SORCS1: variants seen among roughly 807,000 people sequenced by gnomAD.
SORCS1 encodes the protein sortilin related VPS10 domain containing receptor 1, also known as VPS10 domain-containing receptor SorCS1.
SORCS1 carries 60 observed loss-of-function variants against 146.1 expected under a neutral mutation model. That is an observed-to-expected ratio of 0.41 (90% confidence interval 0.33 to 0.51). The LOEUF is 0.51. Among genes scored for constraint, SORCS1 ranks in the 20% least tolerant of loss-of-function variants. SORCS1 has a pLI of 0.21. For missense variants in SORCS1, 1,352 were observed against 1,487.6 expected, an observed-to-expected ratio of 0.91 and a Z score of 1.50; for synonymous variants, 637 against 584.0, an observed-to-expected ratio of 1.09 and a Z score of -1.31.
intron 2 of SORCS1, among the ~76,000 whole-genome samples, chr10:106,927,066 T>C (rs139386799): frequency 5.8e-4 from 89 of 152,258 alleles, no homozygotes; most frequent in African/African-American, 1.3e-3. Flanking sequence ...AGTGACAGGA[T>C]AGAAAAAACC....
At position 106,796,106 on chromosome 10, in the gene SORCS1, C is replaced by T. The variant is rs1271328945; in HGVS notation, c.727-19414G>A. Among the ~76,000 whole-genome samples, 38 of 152,168 alleles carry T rather than the reference C, an allele frequency of 2.5e-4. 1 individual carries two copies. The highest frequency in any genetic ancestry group is 2.4e-3 in the Admixed American group (37 of 15,280). On this transcript the variant is annotated intron_variant, in intron 3 of 25. Coordinates refer to ENST00000263054, the MANE Select transcript of SORCS1 (RefSeq NM_052918.5). Reference sequence around the variant, plus strand: ...CCATTTCTCACCATTAATTGATCTTCCTGTGGCACTGGATCTTAGCATTTT... The same window carrying T: ...CCATTTCTCACCATTAATTGATCTTTCTGTGGCACTGGATCTTAGCATTTT...
intron 1 of SORCS1, among the ~76,000 whole-genome samples, chr10:106,997,027 T>C (rs2139566708): frequency 6.8e-6 from 1 of 147,648 alleles, no homozygotes; most frequent in South Asian, 2.2e-4. Flanking sequence ...AACATTCTCT[T>C]TAACATCCTT....
At chr10:106,958,519 G>C (rs1955072438) in intron 1 of SORCS1, among the ~76,000 whole-genome samples, 1 of 152,110 alleles carries the variant, frequency 6.6e-6, no homozygotes, top group Admixed American at 6.5e-5. Flanking sequence ...TTCACAGCAA[G>C]CAAACTGGAA....
At chr10:106,962,922 G>C (rs530017246) in intron 1 of SORCS1, among the ~76,000 whole-genome samples, 2 of 152,048 alleles carry the variant, frequency 1.3e-5, no homozygotes, top group Non-Finnish European at 2.9e-5. Flanking sequence ...CATTGTCCAA[G>C]CTCCGATAGC....
chr10:106,803,069 G>T (rs890972921), intron 3 of SORCS1, among the ~76,000 whole-genome samples: 7 of 152,156 alleles, frequency 4.6e-5, no homozygotes, highest in African/African-American at 1.4e-4. Context: ...TCTTTCACTT[G>T]ATCACATGTG....
intron 1 of SORCS1, among the ~76,000 whole-genome samples, chr10:107,013,542 G>T (rs190569680): frequency 6.6e-6 from 1 of 152,072 alleles, no homozygotes; most frequent in Admixed American, 6.5e-5. Flanking sequence ...CCTTCCTGCA[G>T]TATCAGTAGG....
intron 2 of SORCS1, among the ~76,000 whole-genome samples, chr10:106,907,212 T>A (rs1951946776): frequency 6.6e-6 from 1 of 152,210 alleles, no homozygotes; most frequent in Non-Finnish European, 1.5e-5. Flanking sequence ...TTTATCCCAG[T>A]ATTACATACA....
chr10:106,838,177 A>C (rs530289850), intron 2 of SORCS1, among the ~76,000 whole-genome samples: 1 of 152,324 alleles, frequency 6.6e-6, no homozygotes, highest in Admixed American at 6.5e-5. Context: ...TTTTGGCTAC[A>C]ATAGCCCCTG....
chr10:106,725,315 C>T (rs950167737), intron 6 of SORCS1, among the ~76,000 whole-genome samples: 1 of 151,798 alleles, frequency 6.6e-6, no homozygotes, highest in African/African-American at 2.4e-5. Context: ...TTTGAAAGGC[C>T]GAGGCAGGTG....
At chr10:106,966,647 T>C (rs1203885901) in intron 1 of SORCS1, among the ~76,000 whole-genome samples, 2 of 152,130 alleles carry the variant, frequency 1.3e-5, no homozygotes, top group East Asian at 1.9e-4. Context: ...ACACAGCAAA[T>C]TGTAGCACAT....
chr10:106,983,648 A>G (rs78493791), intron 1 of SORCS1, among the ~76,000 whole-genome samples: 34,032 of 152,082 alleles, frequency 0.22, 4,615 homozygotes, highest in Middle Eastern at 0.34. Context: ...CTCTGAAACC[A>G]GATTTTGCCC....
At chr10:107,023,073 G>A (rs1958219483) in intron 1 of SORCS1, among the ~76,000 whole-genome samples, 1 of 152,202 alleles carries the variant, frequency 6.6e-6, no homozygotes, top group African/African-American at 2.4e-5. Flanking sequence ...TCAGTAGAGA[G>A]GGAGTCATAA....
intron 1 of SORCS1, among the ~76,000 whole-genome samples, chr10:107,129,762 C>A (rs1966849149): frequency 6.6e-6 from 1 of 152,200 alleles, no homozygotes; most frequent in South Asian, 2.1e-4. Flanking sequence ...CTAATAACTT[C>A]TTTGATGGCT....
intron 2 of SORCS1, among the ~76,000 whole-genome samples, chr10:106,900,794 T>A (rs78694487): frequency 0.012 from 1,852 of 152,324 alleles, 37 homozygotes; most frequent in African/African-American, 0.042. Context: ...TGTTTTTAAG[T>A]TTAAAAACAA....
At chr10:106,606,087 G>A (rs779035006) in intron 23 of SORCS1, among the ~76,000 whole-genome samples, 13 of 152,096 alleles carry the variant, frequency 8.5e-5, no homozygotes, top group Middle Eastern at 3.4e-3. Flanking sequence ...AAATCATTTC[G>A]TTTCTAAAAG....
chr10:107,093,276 C>T (rs1024189504), intron 1 of SORCS1, among the ~76,000 whole-genome samples: 2 of 152,134 alleles, frequency 1.3e-5, no homozygotes, highest in Admixed American at 6.5e-5. Flanking sequence ...GAAACATCTC[C>T]GGTCTGAAAC....
intron 17 of SORCS1, among the ~76,000 whole-genome samples, chr10:106,653,384 T>A (rs1850030108): frequency 6.6e-6 from 1 of 152,232 alleles, no homozygotes; most frequent in Non-Finnish European, 1.5e-5. Context: ...TTTATTTGCC[T>A]AGAGTTAGTG....
chr10:107,003,604 C>T (rs999289663), intron 1 of SORCS1, among the ~76,000 whole-genome samples: 2 of 152,024 alleles, frequency 1.3e-5, no homozygotes, highest in Non-Finnish European at 2.9e-5. Context: ...AAAATCTAGC[C>T]ATAAAAATGC....
intron 1 of SORCS1, among the ~76,000 whole-genome samples, chr10:107,066,999 A>G (rs1194145179): frequency 6.6e-6 from 1 of 152,220 alleles, no homozygotes; most frequent in African/African-American, 2.4e-5. Flanking sequence ...CAACTCAGAG[A>G]TATAAAAAAT....
Sources: gnomAD v4.1 joint callset for allele counts (sites outside exome capture counted in the v4.1 genomes callset) on GRCh38, gnomAD v4.1.1 for gene constraint, MANE v1.5 for transcripts, NCBI Gene and HGNC (gene_info 2026-07-23, HGNC 2026-07-21) for gene names.